Variants in ATP8B4 observed in about 807,000 individuals in gnomAD.
ATP8B4 encodes probable phospholipid-transporting ATPase IM.
A neutral mutation model predicts 145.6 loss-of-function variants in ATP8B4; 133 were observed. That is an observed-to-expected ratio of 0.91 (90% confidence interval 0.79 to 1.05). The LOEUF is 1.05. Ranked by LOEUF, ATP8B4 falls within the 50% of genes least tolerant of loss-of-function variation. The probability of loss-of-function intolerance (pLI) is 0.00; values close to 1 mark genes in which losing one functional copy is unlikely to be tolerated. For synonymous variants in ATP8B4, 507 were observed against 492.9 expected, an observed-to-expected ratio of 1.03 and a Z score of -0.38; for missense variants, 1,458 against 1,425.2, an observed-to-expected ratio of 1.02 and a Z score of -0.37.
intron 6 of ATP8B4, among the ~76,000 whole-genome samples, chr15:50,029,022 C>T (rs887131420): frequency 6.6e-6 from 1 of 151,806 alleles, no homozygotes; most frequent in African/African-American, 2.4e-5. Context: ...ATCATGAGGT[C>T]AGGAGATTGA....
At chr15:49,982,597 T>C (rs1401152794) in intron 10 of ATP8B4, 1 of 152,126 alleles carries the variant, frequency 6.6e-6, no homozygotes, top group African/African-American at 2.4e-5. Flanking sequence ...CACATAAAGT[T>C]TGTGGTTGCT....
intron 3 of ATP8B4, among the ~76,000 whole-genome samples, chr15:50,059,215 A>G (rs1600126790): frequency 6.6e-6 from 1 of 152,278 alleles, no homozygotes; most frequent in Non-Finnish European, 1.5e-5. Context: ...GGAGCCAACA[A>G]GGAGATTCAA....
intron 1 of ATP8B4, among the ~76,000 whole-genome samples, chr15:50,135,480 G>C (rs138041268): frequency 2.6e-5 from 4 of 152,182 alleles, no homozygotes; most frequent in African/African-American, 9.6e-5. Context: ...CAGAGCATCT[G>C]ACCTGTCATA....
intron 6 of ATP8B4, among the ~76,000 whole-genome samples, chr15:50,025,828 C>T (rs553681840): frequency 1.2e-4 from 18 of 152,280 alleles, no homozygotes; most frequent in African/African-American, 3.9e-4. Context: ...GCCTGGCACA[C>T]AGGATTCACT....
At chr15:50,156,323 A>T (rs1330391046) in intron 1 of ATP8B4, among the ~76,000 whole-genome samples, 3 of 151,754 alleles carry the variant, frequency 2.0e-5, no homozygotes, top group African/African-American at 7.3e-5. Context: ...ATACACATTT[A>T]TCTAGGCTTC....
At chr15:50,026,185 A>C (rs2049993066) in intron 6 of ATP8B4, among the ~76,000 whole-genome samples, 1 of 152,142 alleles carries the variant, frequency 6.6e-6, no homozygotes, top group Non-Finnish European at 1.5e-5. Context: ...TTTGCTGTTA[A>C]ATCTTTTTAT....
chr15:50,152,138 A>C (rs1017822783), intron 1 of ATP8B4, among the ~76,000 whole-genome samples: 1 of 152,192 alleles, frequency 6.6e-6, no homozygotes, highest in Non-Finnish European at 1.5e-5. Flanking sequence ...CATTAAAGTT[A>C]TTAGAAACCT....
intron 27 of ATP8B4, among the ~76,000 whole-genome samples, chr15:49,861,422 G>GTGTGTGTCTGTC (rs1555390912): frequency 6.7e-6 from 1 of 148,266 alleles, no homozygotes; most frequent in South Asian, 2.1e-4. Flanking sequence ...GTGTGTGTGT[G>GTGTGTGTCTGTC]TGTCTGTCTG....
At chr15:50,142,158 T>C (rs2044221589) in intron 1 of ATP8B4, among the ~76,000 whole-genome samples, 1 of 152,200 alleles carries the variant, frequency 6.6e-6, no homozygotes, top group South Asian at 2.1e-4. Context: ...TGAGTTATGA[T>C]GCTGAAGAAG....
At chr15:49,930,462 G>C (rs1199076763) in intron 16 of ATP8B4, among the ~76,000 whole-genome samples, 11 of 152,104 alleles carry the variant, frequency 7.2e-5, no homozygotes, top group Non-Finnish European at 1.5e-5. Context: ...CTAAGAGTTA[G>C]CATTGAGTCA....
intron 23 of ATP8B4, chr15:49,883,618 A>AG (rs2035766706): frequency 6.6e-6 from 1 of 152,226 alleles, no homozygotes; most frequent in Non-Finnish European, 1.5e-5. Flanking sequence ...TTCCCAGTTT[A>AG]TACATGGGAA....
chr15:49,866,555 T>C, intron 25 of ATP8B4, 71 bp from the exon 26 acceptor site: 1 of 1,563,378 alleles, frequency 6.4e-7, no homozygotes, highest in South Asian at 1.1e-5. Flanking sequence ...CTCGTGATGT[T>C]TCGCGAGAAC....
chr15:49,972,764 CTG>C lies in ATP8B4; in HGVS notation c.1059_1060del (p.His353GlnfsTer28). The C allele has an allele frequency of 6.2e-7, 1 of 1,613,936 alleles. No individual in the cohort carries two copies. Among genetic ancestry groups the C allele is most frequent in the Non-Finnish European group, 8.5e-7 (1 of 1,179,960 alleles). The stretch of plus-strand genomic sequence containing the variant: ...CTTCCGGTCCCAGTTTATAAAATAA[CTG>C]TGTCCTAGACGAATTACTTCCACAC... On this transcript the variant is annotated frameshift_variant, in exon 13 of 28. Transcript: ENST00000284509. LOFTEE classifies it high-confidence loss of function.
intron 14 of ATP8B4, among the ~76,000 whole-genome samples, chr15:49,957,132 C>G (rs566418687): frequency 6.6e-6 from 1 of 151,692 alleles, no homozygotes; most frequent in Non-Finnish European, 1.5e-5. Context: ...AGCTGCAAAT[C>G]GACTCATAGA....
chr15:50,137,827 T>A (rs931051337), intron 1 of ATP8B4, among the ~76,000 whole-genome samples: 2 of 152,186 alleles, frequency 1.3e-5, no homozygotes, highest in Non-Finnish European at 2.9e-5. Flanking sequence ...GGAAGGAAGC[T>A]AACATTTATT....
intron 1 of ATP8B4, among the ~76,000 whole-genome samples, chr15:50,126,091 A>C (rs1185053684): frequency 6.6e-6 from 1 of 152,162 alleles, no homozygotes; most frequent in Non-Finnish European, 1.5e-5. Context: ...TTGTCCAAAC[A>C]GGCTTCGGAA....
chr15:49,954,912 T>G lies in ATP8B4; in HGVS notation c.1287+7065A>C, dbSNP rs1020262976. Among the ~76,000 whole-genome samples the G allele has an allele frequency of 4.1e-4, 63 of 151,882 alleles. 1 individual carries two copies. Among genetic ancestry groups the G allele is most frequent in the African/African-American group, 1.5e-3 (61 of 41,244 alleles). On this transcript the variant is annotated intron_variant, in intron 14 of 27. Coordinates refer to ENST00000284509, the MANE Select transcript of ATP8B4 (RefSeq NM_024837.4). ...TTGCTATTCATAACAGCAAAAAACA[T>G]AGAATAAACCCAGATGCCCATCAGC...
intron 1 of ATP8B4, among the ~76,000 whole-genome samples, chr15:50,117,603 A>C (rs1375725565): frequency 1.3e-5 from 2 of 152,162 alleles, no homozygotes; most frequent in South Asian, 2.1e-4. Context: ...GTGGTTTCTC[A>C]AAAAAAGTGA....
At chr15:49,979,055 C>T (rs2413994) in intron 12 of ATP8B4, among the ~76,000 whole-genome samples, 66,101 of 151,872 alleles carry the variant, frequency 0.44, 16,243 homozygotes, top group Non-Finnish European at 0.54. Context: ...ATTCATTAAG[C>T]TTTTATAATG....
Sources: gnomAD v4.1 joint callset for allele counts (sites outside exome capture counted in the v4.1 genomes callset) on GRCh38, gnomAD v4.1.1 for gene constraint, MANE v1.5 for transcripts, NCBI Gene and HGNC (gene_info 2026-07-23, HGNC 2026-07-21) for gene names.